Variants in CYREN observed in about 807,000 individuals in gnomAD.
The protein encoded by CYREN is cell cycle regulator of non-homologous end joining.
Under a neutral mutation model 9.7 loss-of-function variants are expected in CYREN, and 7 were observed. That is an observed-to-expected ratio of 0.72 (90% confidence interval 0.41 to 1.36). CYREN has a LOEUF of 1.36. Ranked by LOEUF, CYREN falls within the 40% of genes most tolerant of loss-of-function variation. The probability of loss-of-function intolerance (pLI) is 0.01; values close to 1 mark genes in which losing one functional copy is unlikely to be tolerated. For synonymous variants in CYREN, 76 were observed against 77.9 expected, an observed-to-expected ratio of 0.98 and a Z score of 0.13; for missense variants, 215 against 198.1, an observed-to-expected ratio of 1.09 and a Z score of -0.51.
chr7:135,168,539 ACT>A (rs1176262494), intron 2 of CYREN: 1 of 521,042 alleles, frequency 1.9e-6, no homozygotes, highest in African/African-American at 2.0e-5. Flanking sequence ...TGGAGAACCC[ACT>A]CTGTGTGTGC....
At chr7:135,164,293 G>A, downstream of CYREN, 3 of 728,746 alleles carry the variant, frequency 4.1e-6, no homozygotes, top group South Asian at 4.0e-5. Flanking sequence ...GTCCTTGGTG[G>A]AGGGCAGGGT....
At chr7:135,144,544 G>T (rs1412727411) in intron 2 of CYREN, among the ~76,000 whole-genome samples, 1 of 152,042 alleles carries the variant, frequency 6.6e-6, no homozygotes, top group East Asian at 1.9e-4. Flanking sequence ...CAGCTAGGTT[G>T]CCAGAGAACC....
intron 2 of CYREN, among the ~76,000 whole-genome samples, chr7:135,113,422 A>G (rs941207961): frequency 1.3e-5 from 2 of 152,168 alleles, no homozygotes; most frequent in African/African-American, 4.8e-5. Context: ...AATTCTATAA[A>G]TTATATTATT....
intron 2 of CYREN, chr7:135,128,594 A>G: frequency 2.6e-6 from 2 of 772,938 alleles, no homozygotes; most frequent in South Asian, 1.4e-5. Flanking sequence ...TGTGAGCGCT[A>G]TCTGCTCTAT....
At chr7:135,122,170 A>G (rs1309955959) in intron 2 of CYREN, among the ~76,000 whole-genome samples, 1 of 152,160 alleles carries the variant, frequency 6.6e-6, no homozygotes, top group African/African-American at 2.4e-5. Flanking sequence ...ATCCATCTCT[A>G]TAGCTCCAGG....
intron 2 of CYREN, among the ~76,000 whole-genome samples, chr7:135,144,596 C>G (rs7791732): frequency 6.0e-5 from 9 of 150,056 alleles, no homozygotes; most frequent in African/African-American, 2.2e-4. Context: ...GGAGTAAAAA[C>G]AAAAAAAAGA....
chr7:135,096,553 A>AT (rs1174314714), intron 2 of CYREN, among the ~76,000 whole-genome samples: 6 of 88,890 alleles, frequency 6.7e-5, no homozygotes, highest in Middle Eastern at 7.6e-3. Flanking sequence ...AGAAAGAAAG[A>AT]AAGAAAGATA....
chr7:135,136,872 T>G (rs907466323), intron 2 of CYREN, among the ~76,000 whole-genome samples: 2 of 152,124 alleles, frequency 1.3e-5, no homozygotes, highest in African/African-American at 2.4e-5. Flanking sequence ...TAAACAATTT[T>G]ACCTTGGTCC....
chr7:135,133,769 CA>C (rs566150975), intron 2 of CYREN, among the ~76,000 whole-genome samples: 101 of 151,972 alleles, frequency 6.6e-4, no homozygotes, highest in African/African-American at 2.4e-3. Context: ...AATTAACTCA[CA>C]AAAAAACCTG....
chr7:135,152,180 T>C (rs1477612199), intron 2 of CYREN, among the ~76,000 whole-genome samples: 1 of 152,264 alleles, frequency 6.6e-6, no homozygotes, highest in Non-Finnish European at 1.5e-5. Flanking sequence ...GGCAGAAGGA[T>C]GTTAAGTAAC....
At chr7:135,141,862 G>T (rs942702066) in intron 2 of CYREN, among the ~76,000 whole-genome samples, 4 of 152,086 alleles carry the variant, frequency 2.6e-5, no homozygotes, top group Admixed American at 2.0e-4. Context: ...ATGGTTTAGA[G>T]AAATCTTGGT....
At chr7:135,121,662 C>T (rs1033018491) in intron 2 of CYREN, among the ~76,000 whole-genome samples, 6 of 151,922 alleles carry the variant, frequency 3.9e-5, no homozygotes, top group African/African-American at 9.7e-5. Context: ...CTAGAAACAG[C>T]GGCATTCGGA....
chr7:135,141,862 G>C (rs942702066), intron 2 of CYREN, among the ~76,000 whole-genome samples: 1 of 152,086 alleles, frequency 6.6e-6, no homozygotes, highest in African/African-American at 2.4e-5. Flanking sequence ...ATGGTTTAGA[G>C]AAATCTTGGT....
chr7:135,164,917 C>A, downstream of CYREN: 1 of 1,614,152 alleles, frequency 6.2e-7, no homozygotes, highest in Non-Finnish European at 8.5e-7. Flanking sequence ...AGCGCCCAGG[C>A]CTTACTCATC....
downstream of CYREN, chr7:135,165,014 G>C (rs375469494): frequency 9.6e-6 from 15 of 1,558,780 alleles, no homozygotes; most frequent in Non-Finnish European, 1.3e-5. Context: ...TTACGTGATT[G>C]CAAGGGTTCA....
At chr7:135,096,602 T>TAGATAGATAGATAGAC (rs1822839947) in intron 2 of CYREN, among the ~76,000 whole-genome samples, 1 of 125,766 alleles carries the variant, frequency 8.0e-6, no homozygotes, top group Admixed American at 7.8e-5. Context: ...GATAGATAGA[T>TAGATAGATAGATAGAC]AGATAGATAG....
intron 2 of CYREN, among the ~76,000 whole-genome samples, chr7:135,149,864 C>T (rs1306581095): frequency 2.6e-5 from 4 of 151,978 alleles, no homozygotes; most frequent in South Asian, 2.1e-4. Context: ...TGACAGTTTG[C>T]GTAAACATTT....
chr7:135,121,321 A>G (rs1401123661), intron 2 of CYREN, among the ~76,000 whole-genome samples: 1 of 152,228 alleles, frequency 6.6e-6, no homozygotes, highest in Non-Finnish European at 1.5e-5. Flanking sequence ...ATAAGCAAGG[A>G]TATAAAATAA....
chr7:135,118,520 CT>C (rs1233661771), intron 2 of CYREN, among the ~76,000 whole-genome samples: 2 of 152,270 alleles, frequency 1.3e-5, no homozygotes, highest in African/African-American at 4.8e-5. Flanking sequence ...TATCTCCCCA[CT>C]CCCTGAGCTG....
Sources: allele counts gnomAD v4.1 joint callset (sites outside exome capture counted in the v4.1 genomes callset), GRCh38; gene constraint gnomAD v4.1.1; transcripts MANE v1.5; gene names NCBI Gene and HGNC (gene_info 2026-07-23, HGNC 2026-07-21).